The following SAMD11 variants were observed in gnomAD, a reference collection of about 807,000 sequenced individuals.
SAMD11 encodes the protein sterile alpha motif domain-containing protein 11.
SAMD11 carries 77 observed loss-of-function variants against 64.4 expected under a neutral mutation model. The observed-to-expected ratio is 1.20, with a 90% CI of 0.99 to 1.44. The LOEUF is 1.44. Ranked by LOEUF, SAMD11 falls within the 40% of genes most tolerant of loss-of-function variation. The pLI, the probability that SAMD11 is intolerant of heterozygous loss-of-function variation, is 0.00. For synonymous variants in SAMD11, 658 were observed against 421.9 expected (o/e 1.56, Z -6.86); for missense variants, 1,402 against 943.3 (o/e 1.49, Z -6.37).
Position 941,312 on chromosome 1 carries a change from G to A in SAMD11, c.1358+6G>A. ...GCCCCGTCCTTCTCGGAGAGGTACT[G>A]GGGTGGCTGCCGTTCTCTGCTTGTT... On this transcript the variant is annotated splice_donor_region_variant and intron_variant, in intron 8 of 13. Coordinates refer to ENST00000616016, the MANE Select transcript of SAMD11 (RefSeq NM_001385641.1). 2 of 1,557,330 alleles carry A rather than the reference G, an allele frequency of 1.3e-6. No individual in the cohort carries two copies. The highest frequency in any genetic ancestry group is 1.2e-5 in the South Asian group (1 of 85,146).
At chr1:937,624 G>A (rs994689573) in intron 5 of SAMD11, among the ~76,000 whole-genome samples, 10 of 152,150 alleles carry the variant, frequency 6.6e-5, no homozygotes, top group South Asian at 2.1e-4. Context: ...GCTCTGGCAC[G>A]GGAGGCTGTG....
Position 929,109 on chromosome 1 carries a change from C to T in SAMD11, c.610-1046C>T, listed in dbSNP as rs145857933. ...AAAATAATCAATAACTTTCCTTTAT[C>T]CCTGGGGGTGGCAGGACCTAGAAAC... On this transcript the variant is annotated intron_variant, in intron 2 of 13. Transcript: ENST00000616016. 1.2e-3 allele frequency among the ~76,000 whole-genome samples: 187 copies of T among 152,342 alleles called. 1 individual carries two copies. In the East Asian group the frequency reaches 0.017, roughly 14 times the overall value.
rs892877405 is a variant in SAMD11 at position 941,172 on chromosome 1, G to T, written c.1224G>T (p.Ala408=). The part of the protein sequence containing the change: ...HDLLRVRQEV[A]AAALRGPSGL... ...TCCTGAGGGTCCGGCAGGAGGTGGCGGCTGCAGCTCTGAGGGGCCCCAGTG... is the reference window on the plus strand; with the variant it reads ...TCCTGAGGGTCCGGCAGGAGGTGGCTGCTGCAGCTCTGAGGGGCCCCAGTG... The change falls in exon 8 of 14, where the codon GCG becomes GCT. Residue 408 remains alanine, a synonymous_variant. Coordinates refer to ENST00000616016, the MANE Select transcript of SAMD11 (RefSeq NM_001385641.1). 1.2e-6 allele frequency: 2 copies of T among 1,601,848 alleles called. No homozygotes were observed. The highest frequency in any genetic ancestry group is 1.7e-6 in the Non-Finnish European group (2 of 1,175,292).
rs1452452568 is a variant in SAMD11 at position 942,323 on chromosome 1, G to T, written c.1474+72G>T. 4.6e-6 allele frequency: 5 copies of T among 1,081,536 alleles called. No homozygotes were observed. In the African/African-American group the frequency reaches 5.0e-5, roughly 11 times the overall value. 67.0% of individuals were successfully genotyped at this position (1,081,536 alleles called of 1,614,324 possible). On this transcript the variant is annotated intron_variant, in intron 9 of 13. Coordinates refer to ENST00000616016, the MANE Select transcript of SAMD11 (RefSeq NM_001385641.1). Reference sequence around the variant, plus strand: ...CGGACCCGGCCCTGCCCCTGTCGGAGCCGAGACGGACCGGGTAGGGGATTG... The same window carrying T: ...CGGACCCGGCCCTGCCCCTGTCGGATCCGAGACGGACCGGGTAGGGGATTG...
At position 942,633 on chromosome 1, in the gene SAMD11, C is replaced by G. The variant is rs2100359189; in HGVS notation, c.1628C>G (p.Thr543Ser). ...SARPQLLAPE[T>S]ALRPNDGAEE... ...CGCCCACAGCTGCTGGCGCCCGAGA[C>G]CGCCCTGCGCCCCAACGACGGCGCC... The change falls in exon 11 of 14, where the codon ACC (threonine) becomes AGC (serine). Residue 543 changes from threonine (T) to serine (S), a missense_variant. Transcript: ENST00000616016. The G allele has an allele frequency of 7.0e-7, 1 of 1,437,550 alleles. No individual in the cohort carries two copies. The highest frequency in any genetic ancestry group is 3.1e-5 in the East Asian group (1 of 32,502). The allele number at this position is 1,437,550 out of a possible 1,614,324, so 89.0% of individuals were successfully genotyped here. A position where few individuals can be genotyped will look rare whatever the true frequency, so the allele number is the denominator to read the frequency against.
intron 4 of SAMD11, among the ~76,000 whole-genome samples, chr1:932,673 C>T (rs1641226036): frequency 6.6e-6 from 1 of 152,246 alleles, no homozygotes; most frequent in African/African-American, 2.4e-5. Context: ...AACACACTGC[C>T]AGGCCACCTC....
At chr1:941,638 C>G (rs981337746) in intron 8 of SAMD11, among the ~76,000 whole-genome samples, 4 of 152,058 alleles carry the variant, frequency 2.6e-5, no homozygotes, top group African/African-American at 9.7e-5. Context: ...GGCTGGCGCT[C>G]AAATGTAGAC....
In SAMD11 at chr1:926,093, A is replaced by ATCGAGAG. The variant is rs772534558; in HGVS notation, c.609+83_609+89dup. ...CCCTGCGGTTTTCAGGGTTTTCAGG[A>ATCGAGAG]TCGAGAGTCCTAACCTCACCCCTGC... On this transcript the variant is annotated intron_variant, in intron 2 of 13. Transcript: ENST00000616016. 4.1e-4 allele frequency: 565 copies of ATCGAGAG among 1,381,876 alleles called. 1 individual carries two copies. The highest frequency in any genetic ancestry group is 5.1e-4 in the Non-Finnish European group (501 of 983,958). The allele number at this position is 1,381,876 out of a possible 1,614,324, so 85.6% of individuals were successfully genotyped here. A position where few individuals can be genotyped will look rare whatever the true frequency, so the allele number is the denominator to read the frequency against.
rs149944086 is a variant in SAMD11 at position 935,849 on chromosome 1, G to A, written c.920G>A (p.Arg307His). The change falls in exon 5 of 14, where the codon CGC becomes CAC. Residue 307 changes from arginine (R) to histidine (H), a missense_variant. By Grantham distance (29) the Arg-to-His change is conservative. Transcript: ENST00000616016. ...RHLVMPEHQS[R>H]CEFQRGSLEI... ...CTCGTTATGCCCGAGCATCAGAGCCGCTGTGAATTCCAGAGAGGCAGCCTG... is the reference window on the plus strand; with the variant it reads ...CTCGTTATGCCCGAGCATCAGAGCCACTGTGAATTCCAGAGAGGCAGCCTG... 3.1e-6 allele frequency: 5 copies of A among 1,613,142 alleles called. No homozygotes were observed. The highest frequency in any genetic ancestry group is 1.3e-5 in the African/African-American group (1 of 74,926).
chr1:941,310 C>T lies in SAMD11; in HGVS notation c.1358+4C>T, dbSNP rs766328011. ...CCGCCCCGTCCTTCTCGGAGAGGTA[C>T]TGGGGTGGCTGCCGTTCTCTGCTTG... is the stretch of plus-strand genomic sequence containing the variant. On this transcript the variant is annotated splice_donor_region_variant and intron_variant, in intron 8 of 13. Transcript: ENST00000616016. 1.5e-5 allele frequency: 24 copies of T among 1,556,284 alleles called. No individual in the cohort carries two copies. Among genetic ancestry groups the T allele is most frequent in the Non-Finnish European group, 2.1e-5 (24 of 1,151,556 alleles).
At position 931,067 on chromosome 1, in the gene SAMD11, T is replaced by C; in HGVS notation, c.820T>C (p.Ser274Pro). 1.2e-6 allele frequency: 2 copies of C among 1,612,744 alleles called. No individual in the cohort carries two copies. Among genetic ancestry groups the C allele is most frequent in the Non-Finnish European group, 1.7e-6 (2 of 1,179,662 alleles). Residue 274 changes from serine (S) to proline (P), a missense_variant, in exon 4 of 14, where the codon TCT (serine) becomes CCT (proline). Transcript: ENST00000616016. ...CCACACCCACTGGGACGTGAACATC[T>C]CTTTCCGAGAGGCGTCCTGCAGGTA... ...RVHTHWDVNI[S>P]FREASCSQDG...
At chr1:927,222 C>T (rs185611440) in intron 2 of SAMD11, among the ~76,000 whole-genome samples, 35 of 152,288 alleles carry the variant, frequency 2.3e-4, no homozygotes, top group Admixed American at 1.2e-3. Context: ...CAGACCTACC[C>T]GGGGCAAGAG....
In SAMD11 at chr1:931,200, CTG is replaced by C. The variant is rs1366610601; in HGVS notation, c.842+114_842+115del. ...TCCGCTGTCTCAGCGTGAGCTGATG[CTG>C]TGATGCTGGCTGAGTGTCTGCCAGG... On this transcript the variant is annotated intron_variant, in intron 4 of 13. Transcript: ENST00000616016. 3 of 947,556 alleles carry C rather than the reference CTG, an allele frequency of 3.2e-6. No homozygotes were observed. In the East Asian group the frequency reaches 8.8e-5, roughly 28 times the overall value. 58.7% of individuals were successfully genotyped at this position (947,556 alleles called of 1,614,324 possible).
intron 8 of SAMD11, among the ~76,000 whole-genome samples, chr1:941,854 C>T (rs1242111548): frequency 6.6e-6 from 1 of 152,126 alleles, no homozygotes; most frequent in Non-Finnish European, 1.5e-5. Context: ...GCTTCCCCCG[C>T]CGCTCGGGTC....
At chr1:941,965 T>G (rs1641798030) in intron 8 of SAMD11, 171 bp from the exon 9 acceptor site, 1 of 364,388 alleles carries the variant, frequency 2.7e-6, no homozygotes, top group Non-Finnish European at 4.9e-6. Context: ...CCGCCGAGAT[T>G]AATTGGCGCC....
At chr1:929,872 G>T (rs1202801674) in intron 2 of SAMD11, among the ~76,000 whole-genome samples, 1 of 152,192 alleles carries the variant, frequency 6.6e-6, no homozygotes, top group Non-Finnish European at 1.5e-5. Flanking sequence ...GAGCCAGTGG[G>T]CGTCGTCTGT....
In SAMD11 at chr1:943,745, G is replaced by GGAGGAGCACCTGCTGACC; in HGVS notation, c.2227_2244dup (p.Glu743_Thr748dup). 2 of 1,608,818 alleles carry GGAGGAGCACCTGCTGACC rather than the reference G, an allele frequency of 1.2e-6. No individual in the cohort carries two copies. Among genetic ancestry groups the GGAGGAGCACCTGCTGACC allele is most frequent in the Non-Finnish European group, 1.7e-6 (2 of 1,177,682 alleles). On this transcript the variant is annotated inframe_insertion, in exon 13 of 14. Coordinates refer to ENST00000616016, the MANE Select transcript of SAMD11 (RefSeq NM_001385641.1). ...ACGGGGAGACCCTGCCACTGCTGAC[G>GGAGGAGCACCTGCTGACC]GAGGAGCACCTGCTGACCAACATGG...
At chr1:935,920 G>T (rs1299283099) in intron 5 of SAMD11, 24 bp downstream of exon 5, 1 of 1,608,096 alleles carries the variant, frequency 6.2e-7, no homozygotes, top group Non-Finnish European at 8.5e-7. Flanking sequence ...GGGGCCTGAG[G>T]GCGGGGTCGG....
chr1:933,469 C>T (rs967401052), intron 4 of SAMD11, among the ~76,000 whole-genome samples: 4 of 152,158 alleles, frequency 2.6e-5, no homozygotes, highest in African/African-American at 7.2e-5. Context: ...GCGCCAGGCT[C>T]GGGGCTCACT....
Sources: allele counts gnomAD v4.1 joint callset (sites outside exome capture counted in the v4.1 genomes callset), GRCh38; gene constraint gnomAD v4.1.1; transcripts MANE v1.5; gene names NCBI Gene and HGNC (gene_info 2026-07-23, HGNC 2026-07-21).